Variants in ADAMTS16 observed in about 807,000 individuals in gnomAD.
ADAMTS16 encodes ADAM metallopeptidase with thrombospondin type 1 motif 16.
Under a neutral mutation model 145.8 loss-of-function variants are expected in ADAMTS16, and 94 were observed. The ratio of observed to expected loss-of-function variants is 0.64; its 90% CI spans 0.55 to 0.77. The LOEUF is 0.77. ADAMTS16 is among the 30% of genes least tolerant of loss of function. ADAMTS16 has a pLI of 0.00. For missense variants in ADAMTS16, 1,585 were observed against 1,591.5 expected, an observed-to-expected ratio of 1.00 and a Z score of 0.07; for synonymous variants, 659 against 604.3, an observed-to-expected ratio of 1.09 and a Z score of -1.33.
intron 16 of ADAMTS16, among the ~76,000 whole-genome samples, chr5:5,241,347 G>C (rs1280525995): frequency 6.6e-6 from 1 of 152,180 alleles, no homozygotes; most frequent in Non-Finnish European, 1.5e-5. Context: ...AGGAAATGTA[G>C]AGTCCAAACC....
intron 16 of ADAMTS16, among the ~76,000 whole-genome samples, 198 bp from the exon 17 acceptor site, chr5:5,241,853 ATT>A (rs527241795): frequency 3.3e-5 from 5 of 151,582 alleles, no homozygotes; most frequent in African/African-American, 1.2e-4. Context: ...CAGTCTAGAC[ATT>A]TTTTTAGATG....
intron 8 of ADAMTS16, among the ~76,000 whole-genome samples, chr5:5,193,116 A>C (rs1485681767): frequency 6.6e-6 from 1 of 151,960 alleles, no homozygotes; most frequent in African/African-American, 2.4e-5. Flanking sequence ...AAATGGACTG[A>C]GGCCTCAGAC....
chr5:5,192,835 G>A (rs1035059591), intron 8 of ADAMTS16, among the ~76,000 whole-genome samples: 3 of 152,160 alleles, frequency 2.0e-5, no homozygotes, highest in African/African-American at 7.2e-5. Context: ...AGTATCGTCT[G>A]TTAAATAAAA....
rs1455906437 is a variant in ADAMTS16, at chr5:5,317,291, G to A, written c.3412-843G>A. Reference sequence around the variant, plus strand: ...TAACTTGTAGGTAACTTTATTGGCAGGGGGATCTAAGTTTGTTCTTCCTTG... The same window carrying A: ...TAACTTGTAGGTAACTTTATTGGCAAGGGGATCTAAGTTTGTTCTTCCTTG... On this transcript the variant is annotated intron_variant, in intron 21 of 22. Coordinates refer to ENST00000274181, the MANE Select transcript of ADAMTS16 (RefSeq NM_139056.4). The surrounding 1 kb of genome is among the most constrained non-coding windows in gnomAD (Gnocchi z 4.5). 6.6e-6 allele frequency among the ~76,000 whole-genome samples: 1 copy of A among 152,210 alleles called. No homozygotes were observed. The highest frequency in any genetic ancestry group is 1.5e-5 in the Non-Finnish European group (1 of 68,046).
intron 18 of ADAMTS16, among the ~76,000 whole-genome samples, chr5:5,266,884 A>G (rs1738257335): frequency 1.3e-5 from 2 of 152,146 alleles, no homozygotes; most frequent in Non-Finnish European, 2.9e-5. Context: ...CCATAATACA[A>G]TTATTGAATT....
intron 7 of ADAMTS16, 64 bp downstream of exon 7, chr5:5,190,194 T>G: frequency 6.8e-7 from 1 of 1,473,644 alleles, no homozygotes; most frequent in African/African-American, 1.4e-5. Flanking sequence ...CGTGACACAG[T>G]GTTGAGTATT....
chr5:5,300,324 G>A (rs928770044), intron 18 of ADAMTS16, among the ~76,000 whole-genome samples: 1 of 151,854 alleles, frequency 6.6e-6, no homozygotes, highest in Non-Finnish European at 1.5e-5. Context: ...TATCACAGAC[G>A]GGAAGCCAAG....
Position 5,317,700 on chromosome 5 carries a change from A to G in ADAMTS16, c.3412-434A>G, listed in dbSNP as rs1001330756. 1.3e-5 allele frequency among the ~76,000 whole-genome samples: 2 copies of G among 152,050 alleles called. No individual in the cohort carries two copies. Among genetic ancestry groups the G allele is most frequent in the African/African-American group, 2.4e-5 (1 of 41,394 alleles). On this transcript the variant is annotated intron_variant, in intron 21 of 22. Transcript: ENST00000274181. The surrounding 1 kb of genome is among the most constrained non-coding windows in gnomAD (Gnocchi z 4.5). Reference sequence around the variant, plus strand: ...GGCATGAGCCACCGTGCCCGGCAGTATATTTACTTTTTTAAAAAGTGAACT... The same window carrying G: ...GGCATGAGCCACCGTGCCCGGCAGTGTATTTACTTTTTTAAAAAGTGAACT...
At chr5:5,254,302 G>A (rs907225235) in intron 17 of ADAMTS16, among the ~76,000 whole-genome samples, 16 of 151,844 alleles carry the variant, frequency 1.1e-4, no homozygotes, top group African/African-American at 3.6e-4. Context: ...TACCACATAA[G>A]CTTTCCCGTT....
intron 3 of ADAMTS16, among the ~76,000 whole-genome samples, chr5:5,177,807 C>T (rs548589515): frequency 3.9e-5 from 6 of 152,164 alleles, no homozygotes; most frequent in Middle Eastern, 3.4e-3. Flanking sequence ...TAAAATGCAT[C>T]TTTCTTATAA....
At chr5:5,247,357 C>T (rs191660699) in intron 17 of ADAMTS16, among the ~76,000 whole-genome samples, 2,084 of 152,208 alleles carry the variant, frequency 0.014, 26 homozygotes, top group Non-Finnish European at 0.021. Flanking sequence ...ATTACCCCCC[C>T]GCCCCCCGAT....
intron 18 of ADAMTS16, among the ~76,000 whole-genome samples, chr5:5,298,910 A>T (rs1489385355): frequency 1.3e-5 from 2 of 152,268 alleles, no homozygotes; most frequent in East Asian, 3.9e-4. Context: ...AGAACAGCCT[A>T]CTGGACAGTT....
At chr5:5,272,587 G>A (rs1476463676) in intron 18 of ADAMTS16, among the ~76,000 whole-genome samples, 3 of 152,008 alleles carry the variant, frequency 2.0e-5, no homozygotes, top group East Asian at 1.9e-4. Context: ...GGATGGTCTC[G>A]ATCTCCTGAC....
intron 17 of ADAMTS16, among the ~76,000 whole-genome samples, chr5:5,261,068 C>A (rs1471399644): frequency 6.6e-6 from 1 of 152,146 alleles, no homozygotes; most frequent in African/African-American, 2.4e-5. Flanking sequence ...GTGATAAAAT[C>A]ACTCTTAGAT....
At chr5:5,172,532 A>T (rs1579287293) in intron 3 of ADAMTS16, among the ~76,000 whole-genome samples, 1 of 152,042 alleles carries the variant, frequency 6.6e-6, no homozygotes, top group Non-Finnish European at 1.5e-5. Context: ...TTTAATTTCC[A>T]TGTGTTTGTA....
chr5:5,179,308 A>G (rs1053702565), intron 3 of ADAMTS16, among the ~76,000 whole-genome samples: 2 of 151,860 alleles, frequency 1.3e-5, no homozygotes, highest in African/African-American at 4.8e-5. Context: ...AATCACATCT[A>G]TTCTAGGTTC....
intron 3 of ADAMTS16, among the ~76,000 whole-genome samples, chr5:5,159,199 C>T (rs532829680): frequency 4.3e-4 from 66 of 152,344 alleles, no homozygotes; most frequent in Non-Finnish European, 7.3e-4. Flanking sequence ...ATGAACTCTA[C>T]ATGAGAAGAA....
At chr5:5,174,180 T>C in intron 3 of ADAMTS16, among the ~76,000 whole-genome samples, 1 of 152,210 alleles carries the variant, frequency 6.6e-6, no homozygotes, top group African/African-American at 2.4e-5. Context: ...GAAAAGTCCT[T>C]ATTTCTCCTT....
intron 3 of ADAMTS16, among the ~76,000 whole-genome samples, chr5:5,154,568 G>A (rs1267456263): frequency 6.6e-6 from 1 of 152,102 alleles, no homozygotes; most frequent in Non-Finnish European, 1.5e-5. Context: ...AAAATCTATG[G>A]TTTTGTTCCA....
Sources: allele counts gnomAD v4.1 joint callset (sites outside exome capture counted in the v4.1 genomes callset), GRCh38; gene constraint gnomAD v4.1.1; non-coding constraint Gnocchi (gnomAD v3.1); transcripts MANE v1.5; gene names NCBI Gene and HGNC (gene_info 2026-07-23, HGNC 2026-07-21).